The following ANLN variants were observed in gnomAD, a reference collection of about 807,000 sequenced individuals.
ANLN encodes anillin, actin binding protein.
Under a neutral mutation model 135.1 loss-of-function variants are expected in ANLN, and 59 were observed. The ratio of observed to expected loss-of-function variants is 0.44; its 90% CI spans 0.35 to 0.54. The LOEUF is 0.54. Among genes scored for constraint, ANLN ranks in the 20% least tolerant of loss-of-function variants. The pLI is 0.00. For synonymous variants in ANLN, 406 were observed against 456.4 expected, an observed-to-expected ratio of 0.89 and a Z score of 1.41; for missense variants, 1,182 against 1,340.0, an observed-to-expected ratio of 0.88 and a Z score of 1.84.
In ANLN at chr7:36,389,900, T is replaced by C. The variant is rs1014441719; in HGVS notation, c.-127T>C. On this transcript the variant is annotated 5_prime_UTR_variant, in exon 1 of 24. Coordinates refer to ENST00000265748, the MANE Select transcript of ANLN (RefSeq NM_018685.5). ...GAAGCCGAGAGGAGAGGACAGCTGG[T>C]TGTGGGAGAGTTCCCCCGCCTCAGA... 1 of 1,554,134 alleles carries C rather than the reference T, an allele frequency of 6.4e-7. No individual in the cohort carries two copies. The highest frequency in any genetic ancestry group is 8.8e-7 in the Non-Finnish European group (1 of 1,131,296).
At chr7:36,444,129 A>C (rs549235336) in intron 22 of ANLN, among the ~76,000 whole-genome samples, 2 of 152,288 alleles carry the variant, frequency 1.3e-5, no homozygotes, top group South Asian at 4.1e-4. Flanking sequence ...GTCTCTGCTA[A>C]AAATACAAAA....
rs367940648 is a variant in ANLN at position 36,419,286 on chromosome 7, T to C, written c.1676T>C (p.Ile559Thr). Residue 559 changes from isoleucine to threonine, a missense_variant, in exon 10 of 24, where the codon ATC becomes ACC. By Grantham distance (89) the Ile-to-Thr change is moderately conservative. Coordinates refer to ENST00000265748, the MANE Select transcript of ANLN (RefSeq NM_018685.5). Reference sequence around the variant, plus strand: ...GAGATGAGTGTGGATGATGATGATATCAATAGTTCGAAAGTAATTAATGAC... The same window carrying C: ...GAGATGAGTGTGGATGATGATGATACCAATAGTTCGAAAGTAATTAATGAC... ...EIEMSVDDDD[I>T]NSSKVINDLF... 1.2e-6 allele frequency: 2 copies of C among 1,613,974 alleles called. No homozygotes were observed. The highest frequency in any genetic ancestry group is 1.3e-5 in the African/African-American group (1 of 74,912).
At position 36,406,490 on chromosome 7, in the gene ANLN, A is replaced by G; in HGVS notation, c.797A>G (p.Asp266Gly). ...EATFCSQRDG[D>G]ASLNKALSSS... is the part of the protein sequence containing the mutation. Reference sequence around the variant, plus strand: ...ACATTCTGTTCCCAAAGGGATGGCGATGCCTCTTTGAATAAAGCCCTATCC... The same window carrying G: ...ACATTCTGTTCCCAAAGGGATGGCGGTGCCTCTTTGAATAAAGCCCTATCC... Residue 266 changes from aspartate (D) to glycine (G), a missense_variant, in exon 4 of 24, where the codon GAT becomes GGT. Around this residue, in one of 3 missense-constraint regions of ANLN, gnomAD observed 1,022 missense variants for 1,134.0 expected, o/e 0.90. Transcript: ENST00000265748. 1 of 1,593,888 alleles carries G rather than the reference A, an allele frequency of 6.3e-7. No individual in the cohort carries two copies.
In ANLN at chr7:36,422,686, C is replaced by T; in HGVS notation, c.2353C>T (p.Pro785Ser). 6.2e-7 allele frequency: 1 copy of T among 1,612,526 alleles called. No homozygotes were observed. Residue 785 changes from proline (P) to serine (S), a missense_variant, in exon 14 of 24, where the codon CCT (proline) becomes TCT (serine). Physicochemically the swap from Pro to Ser is moderately conservative, Grantham distance 74. Around this residue, in one of 3 missense-constraint regions of ANLN, gnomAD observed 1,022 missense variants for 1,134.0 expected, o/e 0.90. Coordinates refer to ENST00000265748, the MANE Select transcript of ANLN (RefSeq NM_018685.5). ...ATTGAATAAATTGAAGAACGAAGGA[C>T]CTCAGAGGAAGAATAAGGCTAGTCC... ...DELNKLKNEG[P>S]QRKNKASPQS...
intron 1 of ANLN, 138 bp from the exon 2 acceptor site, chr7:36,396,128 C>T: frequency 1.7e-6 from 1 of 572,898 alleles, no homozygotes; most frequent in Non-Finnish European, 2.8e-6. Context: ...TGAATCTTGA[C>T]ATAATTGCTT....
chr7:36,406,699 A>G, intron 4 of ANLN, 133 bp downstream of exon 4: 1 of 873,644 alleles, frequency 1.1e-6, no homozygotes, highest in Non-Finnish European at 1.6e-6. Flanking sequence ...GTTTATATGT[A>G]TTTGTAAGAT....
At chr7:36,415,356 G>A (rs955891243) in intron 7 of ANLN, among the ~76,000 whole-genome samples, 2 of 151,998 alleles carry the variant, frequency 1.3e-5, no homozygotes, top group African/African-American at 4.8e-5. Context: ...GTGACATAGG[G>A]GTGGGTGTTT....
intron 1 of ANLN, 43 bp from the exon 2 acceptor site, chr7:36,396,223 T>C (rs1679803784): frequency 6.6e-7 from 1 of 1,509,764 alleles, no homozygotes; most frequent in Admixed American, 2.1e-5. Flanking sequence ...TATGAACCTT[T>C]GATTAAACTT....
At chr7:36,409,593 T>G (rs1163861795) in intron 5 of ANLN, among the ~76,000 whole-genome samples, 2 of 152,176 alleles carry the variant, frequency 1.3e-5, no homozygotes, top group Non-Finnish European at 2.9e-5. Context: ...GGGAGTGATA[T>G]AGGCCCAATT....
At chr7:36,422,562 C>G (rs1787921757) in intron 13 of ANLN, 71 bp from the exon 14 acceptor site, 1 of 1,381,694 alleles carries the variant, frequency 7.2e-7, no homozygotes, top group African/African-American at 1.5e-5. Flanking sequence ...TATCAGTACA[C>G]TTTTTTGAAT....
chr7:36,424,360 A>G (rs1171210367), intron 15 of ANLN, among the ~76,000 whole-genome samples, 185 bp from the exon 16 acceptor site: 1 of 152,208 alleles, frequency 6.6e-6, no homozygotes, highest in Non-Finnish European at 1.5e-5. Context: ...GAGTTGTAAA[A>G]CACGGAGGAA....
chr7:36,428,182 A>G (rs1583636117), intron 20 of ANLN: 1 of 326,976 alleles, frequency 3.1e-6, no homozygotes, highest in East Asian at 9.4e-5. Context: ...CTATTAATGC[A>G]TGAATGTGTT....
intron 20 of ANLN, among the ~76,000 whole-genome samples, chr7:36,433,544 A>G (rs1788412385): frequency 6.6e-6 from 1 of 152,000 alleles, no homozygotes. Context: ...GTTTGGTTTC[A>G]CTGAGCTTTA....
At chr7:36,432,656 C>G (rs1423884969) in intron 20 of ANLN, among the ~76,000 whole-genome samples, 1 of 152,116 alleles carries the variant, frequency 6.6e-6, no homozygotes, top group Non-Finnish European at 1.5e-5. Context: ...TATTTGTTTT[C>G]TATTTGTTTC....
At chr7:36,392,329 A>C (rs1433455945) in intron 1 of ANLN, among the ~76,000 whole-genome samples, 1 of 152,024 alleles carries the variant, frequency 6.6e-6, no homozygotes, top group Non-Finnish European at 1.5e-5. Flanking sequence ...AAATAATAAG[A>C]AGTTAATTTA....
rs775599772 is a variant in ANLN, at chr7:36,406,173, A to G, written c.488-8A>G. ...TGGTTTTTAACTCTTTTCTGAAAAC[A>G]TTTTCAGATGACATTCCTGAAAGCT... On this transcript the variant is annotated splice_region_variant and splice_polypyrimidine_tract_variant and intron_variant, in intron 3 of 23. Coordinates refer to ENST00000265748, the MANE Select transcript of ANLN (RefSeq NM_018685.5). The G allele has an allele frequency of 2.5e-6, 4 of 1,580,526 alleles. No homozygotes were observed. The highest frequency in any genetic ancestry group is 2.3e-5 in the East Asian group (1 of 44,264).
intron 22 of ANLN, among the ~76,000 whole-genome samples, chr7:36,446,870 G>C (rs1020989662): frequency 3.9e-5 from 6 of 152,016 alleles, no homozygotes; most frequent in African/African-American, 1.5e-4. Context: ...TGTTTCCTTT[G>C]GTCTGTTTCC....
intron 20 of ANLN, among the ~76,000 whole-genome samples, chr7:36,430,458 T>C (rs1425302966): frequency 6.6e-6 from 1 of 152,208 alleles, no homozygotes; most frequent in Non-Finnish European, 1.5e-5. Context: ...AGTCAGACTT[T>C]CAAACCCTTT....
At chr7:36,397,611 A>C (rs751139623) in intron 2 of ANLN, among the ~76,000 whole-genome samples, 5 of 152,224 alleles carry the variant, frequency 3.3e-5, no homozygotes, top group African/African-American at 7.2e-5. Flanking sequence ...AAATAAAAAA[A>C]GGAAAAGAAA....
Sources: allele counts gnomAD v4.1 joint callset (sites outside exome capture counted in the v4.1 genomes callset), GRCh38; gene constraint gnomAD v4.1.1; regional missense constraint gnomAD v4.1.1; transcripts MANE v1.5; gene names NCBI Gene and HGNC (gene_info 2026-07-23, HGNC 2026-07-21).